RFX3: variants seen among roughly 807,000 people sequenced by gnomAD.
RFX3 encodes the protein regulatory factor X3.
RFX3 carries 14 observed loss-of-function variants against 98.6 expected under a neutral mutation model. The observed-to-expected ratio is 0.14, with a 90% confidence interval of 0.09 to 0.22. The LOEUF (loss-of-function observed/expected upper bound fraction) is 0.22. Among genes scored for constraint, RFX3 ranks in the 10% least tolerant of loss-of-function variants. The probability of loss-of-function intolerance (pLI) is 1.00; values close to 1 mark genes in which losing one functional copy is unlikely to be tolerated. For missense variants in RFX3, 639 were observed against 926.9 expected (o/e 0.69, Z 4.03); for synonymous variants, 383 against 328.4 (o/e 1.17, Z -1.80).
chr9:3,356,155 T>TGGAA (rs71495494), intron 2 of RFX3, among the ~76,000 whole-genome samples: 14,656 of 125,550 alleles, frequency 0.12, 926 homozygotes, highest in Non-Finnish European at 0.13. Context: ...CTAGAATAAG[T>TGGAA]GGAAGGAAGG....
chr9:3,336,719 C>A (rs2130981940), intron 3 of RFX3, among the ~76,000 whole-genome samples: 1 of 152,138 alleles, frequency 6.6e-6, no homozygotes, highest in South Asian at 2.1e-4. Flanking sequence ...AACATGCATG[C>A]AGTGTAAACA....
At chr9:3,322,145 G>A (rs1179005596) in intron 4 of RFX3, among the ~76,000 whole-genome samples, 4 of 151,740 alleles carry the variant, frequency 2.6e-5, no homozygotes, top group African/African-American at 4.8e-5. Context: ...AGCCTTTCTT[G>A]TCAAAAAAAC....
At chr9:3,277,232 A>AAAAAATCTTTCTATT in intron 8 of RFX3, 108 bp downstream of exon 8, 3 of 1,222,374 alleles carry the variant, frequency 2.5e-6, no homozygotes, top group Non-Finnish European at 3.5e-6. Flanking sequence ...TTGGCACCAA[A>AAAAAATCTTTCTATT]AAAAATCTTT....
chr9:3,491,191 G>A (rs1850692054), intron 1 of RFX3, among the ~76,000 whole-genome samples: 1 of 152,082 alleles, frequency 6.6e-6, no homozygotes, highest in Non-Finnish European at 1.5e-5. Context: ...ATAGGCAACA[G>A]TCTAAATACA....
intron 1 of RFX3, among the ~76,000 whole-genome samples, chr9:3,453,204 T>A (rs77070083): frequency 0.017 from 2,579 of 152,128 alleles, 78 homozygotes; most frequent in African/African-American, 0.059. Context: ...AATCACTCTG[T>A]CATGTCTTCT....
chr9:3,247,938 C>A (rs150765871), intron 15 of RFX3, 94 bp downstream of exon 15: 60 of 1,612,942 alleles, frequency 3.7e-5, no homozygotes, highest in Middle Eastern at 1.6e-4. Context: ...TGGTTAGGAA[C>A]CATGGTTTTA....
intron 13 of RFX3, 134 bp downstream of exon 13, chr9:3,262,801 T>C (rs1823094185): frequency 2.2e-6 from 2 of 924,612 alleles, no homozygotes; most frequent in African/African-American, 3.3e-5. Flanking sequence ...CAAACTCCTC[T>C]CTTTCAGAAC....
chr9:3,460,539 A>T (rs1451353518), intron 1 of RFX3, among the ~76,000 whole-genome samples: 1 of 152,026 alleles, frequency 6.6e-6, no homozygotes, highest in Non-Finnish European at 1.5e-5. Flanking sequence ...TAAAAAATAT[A>T]ATTTTCAATG....
At chr9:3,277,736 G>A (rs1214490759) in intron 7 of RFX3, among the ~76,000 whole-genome samples, 1 of 151,948 alleles carries the variant, frequency 6.6e-6, no homozygotes, top group African/African-American at 2.4e-5. Flanking sequence ...TATTTCTTTG[G>A]ACAGCAGGAG....
intron 12 of RFX3, among the ~76,000 whole-genome samples, chr9:3,265,493 T>C (rs1260679046): frequency 2.0e-5 from 3 of 152,156 alleles, no homozygotes; most frequent in Non-Finnish European, 2.9e-5. Context: ...TGACAGTAAA[T>C]ACAGTCATTG....
At chr9:3,340,165 T>C (rs1032473642) in intron 3 of RFX3, among the ~76,000 whole-genome samples, 1 of 152,190 alleles carries the variant, frequency 6.6e-6, no homozygotes, top group Admixed American at 6.5e-5. Context: ...GGATTCCCTA[T>C]TTAATAAATG....
chr9:3,367,277 G>C (rs867150255), intron 2 of RFX3, among the ~76,000 whole-genome samples: 10 of 152,206 alleles, frequency 6.6e-5, no homozygotes, highest in South Asian at 6.2e-4. Flanking sequence ...GGGGCTACAA[G>C]AGAAGTCAAG....
At chr9:3,270,081 G>GGAAGGAAAGAAAGAAAGAAAGAAAGAAA (rs1824191231) in intron 11 of RFX3, among the ~76,000 whole-genome samples, 1 of 137,776 alleles carries the variant, frequency 7.3e-6, no homozygotes, top group Non-Finnish European at 1.5e-5. Context: ...AGAGAAAGAA[G>GGAAGGAAAGAAAGAAAGAAAGAAAGAAA]GAAAGAAAGA....
At chr9:3,422,786 A>C (rs1208421778) in intron 1 of RFX3, among the ~76,000 whole-genome samples, 1 of 152,164 alleles carries the variant, frequency 6.6e-6, no homozygotes, top group Non-Finnish European at 1.5e-5. Flanking sequence ...TATATAAGAC[A>C]CTGGGGTTCA....
At chr9:3,256,939 C>G in intron 14 of RFX3, 52 bp downstream of exon 14, 1 of 1,473,098 alleles carries the variant, frequency 6.8e-7, no homozygotes, top group East Asian at 2.3e-5. Flanking sequence ...CACATACACA[C>G]ACATATTTGC....
chr9:3,431,070 G>A (rs377576404), intron 1 of RFX3, among the ~76,000 whole-genome samples: 8 of 152,156 alleles, frequency 5.3e-5, no homozygotes, highest in African/African-American at 1.9e-4. Flanking sequence ...AATACCTACT[G>A]TGCAACTGTA....
At chr9:3,269,485 T>C (rs539858920) in intron 11 of RFX3, among the ~76,000 whole-genome samples, 7 of 152,244 alleles carry the variant, frequency 4.6e-5, no homozygotes, top group African/African-American at 1.7e-4. Context: ...GATGTCAATG[T>C]AGAGTAGTAA....
intron 4 of RFX3, among the ~76,000 whole-genome samples, chr9:3,316,162 A>G (rs1440277535): frequency 2.0e-5 from 3 of 152,218 alleles, no homozygotes; most frequent in Non-Finnish European, 4.4e-5. Context: ...CAGTACATCT[A>G]AAACCCTATC....
chr9:3,235,504 A>C (rs1345786447), intron 15 of RFX3, among the ~76,000 whole-genome samples: 1 of 152,200 alleles, frequency 6.6e-6, no homozygotes, highest in African/African-American at 2.4e-5. Flanking sequence ...AAAACAAGAC[A>C]AACTTATTAT....
Sources: gnomAD v4.1 joint callset for allele counts (sites outside exome capture counted in the v4.1 genomes callset) on GRCh38, gnomAD v4.1.1 for gene constraint, MANE v1.5 for transcripts, NCBI Gene and HGNC (gene_info 2026-07-23, HGNC 2026-07-21) for gene names.